The following ANKRD11 variants were observed in gnomAD, a reference collection of about 807,000 sequenced individuals.
ANKRD11 encodes ankyrin repeat domain 11.
Under a neutral mutation model 195.7 loss-of-function variants are expected in ANKRD11, and 17 were observed. The observed-to-expected ratio is 0.09, with a 90% CI of 0.06 to 0.13. The LOEUF (loss-of-function observed/expected upper bound fraction) is 0.13, where lower values mean the gene tolerates loss of function less well. Ranked by LOEUF, ANKRD11 falls within the 10% of genes least tolerant of loss-of-function variation. ANKRD11 has a pLI of 1.00. For missense variants in ANKRD11, 3,735 were observed against 3,566.1 expected, an observed-to-expected ratio of 1.05 and a Z score of -1.21; for synonymous variants, 1,953 against 1,528.1, an observed-to-expected ratio of 1.28 and a Z score of -6.49.
At chr16:89,467,994 G>A (rs1182938336) in intron 1 of ANKRD11, among the ~76,000 whole-genome samples, 1 of 152,006 alleles carries the variant, frequency 6.6e-6, no homozygotes, top group African/African-American at 2.4e-5. Flanking sequence ...AGTAGAGACG[G>A]GGTTTGGTTA....
rs552378699 is a variant in ANKRD11 at position 89,291,195 on chromosome 16, G to A, written c.227-12C>T. On this transcript the variant is annotated splice_polypyrimidine_tract_variant and intron_variant, in intron 4 of 12. Coordinates refer to ENST00000301030, the MANE Select transcript of ANKRD11 (RefSeq NM_013275.6). The surrounding 1 kb of genome is among the most constrained non-coding windows in gnomAD (Gnocchi z 5.3). Reference sequence around the variant, plus strand: ...AGGGCCCTGCTTCTCTGTGAGGCGGGCGAGGGAGAGAGGGAGGAGAGATTT... The same window carrying A: ...AGGGCCCTGCTTCTCTGTGAGGCGGACGAGGGAGAGAGGGAGGAGAGATTT... The A allele has an allele frequency of 1.7e-5, 27 of 1,612,818 alleles. No homozygotes were observed. The highest frequency in any genetic ancestry group is 1.5e-4 in the South Asian group (14 of 91,070).
chr16:89,329,173 C>G (rs2037913984), intron 2 of ANKRD11, among the ~76,000 whole-genome samples: 1 of 152,228 alleles, frequency 6.6e-6, no homozygotes, highest in South Asian at 2.1e-4. Flanking sequence ...CTCGGGGAAA[C>G]AGGCGGGGAC....
In ANKRD11 at chr16:89,290,706, G is replaced by T; in HGVS notation, c.520C>A (p.Arg174=). Residue 174 remains arginine (R), a synonymous_variant, in exon 6 of 13, where the codon CGA becomes AGA. Transcript: ENST00000301030. The stretch of plus-strand genomic sequence containing the variant: ...CGGGCGTCCCCGCGGATGGCGGCTC[G>T]GTGCAGGCGGGTCTCTCCACGCTCG... The part of the protein sequence containing the change: ...RNERGETRLH[R]AAIRGDARRI... 6.2e-7 allele frequency: 1 copy of T among 1,613,408 alleles called. No homozygotes were observed. The highest frequency in any genetic ancestry group is 8.5e-7 in the Non-Finnish European group (1 of 1,180,008).
chr16:89,391,214 C>T (rs1214715171), intron 2 of ANKRD11, among the ~76,000 whole-genome samples: 3 of 134,354 alleles, frequency 2.2e-5, no homozygotes, highest in Admixed American at 8.4e-5. Flanking sequence ...GGCGACAGAG[C>T]GAGACTCTGT....
At chr16:89,337,475 C>T (rs918405512) in intron 2 of ANKRD11, among the ~76,000 whole-genome samples, 100 of 111,904 alleles carry the variant, frequency 8.9e-4, no homozygotes, top group African/African-American at 3.2e-3. Flanking sequence ...CTCCCTCTGT[C>T]GCCCAGGCTG....
chr16:89,404,964 T>C (rs2041847857), intron 2 of ANKRD11, among the ~76,000 whole-genome samples: 1 of 152,258 alleles, frequency 6.6e-6, no homozygotes, highest in African/African-American at 2.4e-5. Flanking sequence ...ATGTAGTTTG[T>C]TGTTTTAAAT....
At chr16:89,336,232 A>T (rs936326506) in intron 2 of ANKRD11, among the ~76,000 whole-genome samples, 9 of 152,232 alleles carry the variant, frequency 5.9e-5, no homozygotes, top group African/African-American at 2.2e-4. Context: ...GGTTCAGGCA[A>T]GAGCCACATC....
intron 1 of ANKRD11, among the ~76,000 whole-genome samples, chr16:89,444,500 C>A (rs527433660): frequency 1.3e-5 from 2 of 152,218 alleles, no homozygotes; most frequent in African/African-American, 4.8e-5. Context: ...TAGGGTTTGC[C>A]ATCAGCGTTA....
At chr16:89,343,668 T>C (rs1161073333) in intron 2 of ANKRD11, 1 of 152,240 alleles carries the variant, frequency 6.6e-6, no homozygotes, top group Non-Finnish European at 1.5e-5. Context: ...GTCACATCCA[T>C]AAACCACCAA....
rs757687308 is a variant in ANKRD11, at chr16:89,291,159, C to T, written c.251G>A (p.Arg84Lys). The T allele has an allele frequency of 1.2e-6, 2 of 1,613,862 alleles. No individual in the cohort carries two copies. The highest frequency in any genetic ancestry group is 4.5e-5 in the East Asian group (2 of 44,880). ...DTEKQGPERK[R>K]IKKEPVTRKA... The stretch of plus-strand genomic sequence containing the variant: ...CCGGGTGACAGGCTCCTTCTTAATC[C>T]TCTTCCGCTCAGGGCCCTGCTTCTC... The change falls in exon 5 of 13, where the codon AGG becomes AAG. Residue 84 changes from arginine (R) to lysine (K), a missense_variant. By Grantham distance (26) the Arg-to-Lys change is conservative. Coordinates refer to ENST00000301030, the MANE Select transcript of ANKRD11 (RefSeq NM_013275.6). The surrounding 1 kb of genome is among the most constrained non-coding windows in gnomAD (Gnocchi z 5.3).
intron 2 of ANKRD11, among the ~76,000 whole-genome samples, chr16:89,411,580 A>G (rs1005560325): frequency 7.9e-5 from 12 of 151,992 alleles, no homozygotes; most frequent in African/African-American, 2.9e-4. Flanking sequence ...CGCCTGGCTA[A>G]TTTTTGTATT....
Position 89,280,406 on chromosome 16 carries a change from C to A in ANKRD11, c.6136G>T (p.Ala2046Ser). The A allele has an allele frequency of 6.4e-7, 1 of 1,560,056 alleles. No homozygotes were observed. Among genetic ancestry groups the A allele is most frequent in the Non-Finnish European group, 8.7e-7 (1 of 1,153,512 alleles). Residue 2046 changes from alanine to serine, a missense_variant, in exon 9 of 13, where the codon GCC becomes TCC. Coordinates refer to ENST00000301030, the MANE Select transcript of ANKRD11 (RefSeq NM_013275.6). ...DVKDGVDAVP[A>S]AISTSEAAPY... ...GCCGCCTCTGAGGTGGAGATGGCGG[C>A]GGGGACGGCGTCCACTCCGTCCTTG...
chr16:89,474,698 A>G (rs2057198208), intron 1 of ANKRD11, among the ~76,000 whole-genome samples: 1 of 152,126 alleles, frequency 6.6e-6, no homozygotes, highest in Admixed American at 6.6e-5. Context: ...CTCCGAGACC[A>G]AGTTCTTCAT....
intron 7 of ANKRD11, chr16:89,287,561 A>T (rs2034732388): frequency 5.9e-6 from 1 of 170,126 alleles, no homozygotes; most frequent in South Asian, 1.4e-4. Flanking sequence ...TGCAGCACTG[A>T]GCGAATCCCA....
intron 5 of ANKRD11, 34 bp from the exon 6 acceptor site, chr16:89,290,862 T>C (rs1303502660): frequency 1.9e-6 from 3 of 1,611,924 alleles, no homozygotes; most frequent in Non-Finnish European, 1.7e-6. Context: ...TGGGCATTAC[T>C]GTGGGGTGGT....
chr16:89,476,638 C>T (rs1262049195), intron 1 of ANKRD11, among the ~76,000 whole-genome samples: 3 of 152,206 alleles, frequency 2.0e-5, no homozygotes, highest in African/African-American at 7.2e-5. Context: ...AGACCTCAAG[C>T]CGCAGGCACT....
At chr16:89,445,400 G>GT (rs1390259262) in intron 1 of ANKRD11, among the ~76,000 whole-genome samples, 2 of 152,054 alleles carry the variant, frequency 1.3e-5, no homozygotes, top group African/African-American at 4.8e-5. Context: ...TCCTTGGGGC[G>GT]TAAGATGCTA....
intron 1 of ANKRD11, among the ~76,000 whole-genome samples, chr16:89,475,270 A>G (rs903156189): frequency 3.9e-5 from 6 of 152,142 alleles, no homozygotes; most frequent in African/African-American, 1.4e-4. Context: ...AGAAAATCCA[A>G]TCATTCTGAT....
intron 2 of ANKRD11, among the ~76,000 whole-genome samples, chr16:89,341,833 C>A (rs1287917380): frequency 6.6e-6 from 1 of 151,998 alleles, no homozygotes; most frequent in Admixed American, 6.6e-5. Context: ...GCAGCCACGG[C>A]CCACGGCGGG....
Sources: allele counts gnomAD v4.1 joint callset (sites outside exome capture counted in the v4.1 genomes callset), GRCh38; gene constraint gnomAD v4.1.1; non-coding constraint Gnocchi (gnomAD v3.1); transcripts MANE v1.5; gene names NCBI Gene and HGNC (gene_info 2026-07-23, HGNC 2026-07-21).